The following C19orf18 variants were observed in gnomAD, a reference collection of about 807,000 sequenced individuals.
C19orf18 encodes uncharacterized protein C19orf18.
In C19orf18, 21 loss-of-function variants were observed where a neutral mutation model predicts 23.3. That is an observed-to-expected ratio of 0.90 (90% CI 0.64 to 1.30). The LOEUF is 1.30. Ranked by LOEUF, C19orf18 falls within the 50% of genes most tolerant of loss-of-function variation. The pLI is 0.00. For missense variants in C19orf18, 249 were observed against 259.6 expected, an observed-to-expected ratio of 0.96 and a Z score of 0.28; for synonymous variants, 96 against 95.2, an observed-to-expected ratio of 1.01 and a Z score of -0.05.
rs200892245 is a variant in C19orf18 at position 57,974,448 on chromosome 19, AGTATTTTATCCC to A, written c.-28_-17del. ...CCTTGTCCATCACTCTCAAATTATC[AGTATTTTATCCC>A]GTAGATGAAAGGAAATACTTAGCTA... On this transcript the variant is annotated 5_prime_UTR_variant, in exon 1 of 6. Transcript: ENST00000314391. 4.2e-3 allele frequency: 6,846 copies of A among 1,613,388 alleles called. 208 individuals are homozygous for A. In the African/African-American group the frequency reaches 0.067, roughly 16 times the overall value.
intron 4 of C19orf18, 100 bp from the exon 5 acceptor site, chr19:57,961,651 A>T (rs981272941): frequency 1.5e-6 from 2 of 1,324,198 alleles, no homozygotes; most frequent in Middle Eastern, 2.3e-4. Flanking sequence ...TCGCTTGTGG[A>T]GTGGGTGCAG....
intron 3 of C19orf18, among the ~76,000 whole-genome samples, chr19:57,971,644 T>C (rs924530909): frequency 6.6e-6 from 1 of 152,118 alleles, no homozygotes. Flanking sequence ...CTAATTTTTG[T>C]ATTTTTAGTA....
intron 2 of C19orf18, among the ~76,000 whole-genome samples, chr19:57,973,145 CAAAAAAAAAAAAAAAAAAAAAAAAAAAAA>C (rs61625681): frequency 8.3e-5 from 2 of 24,164 alleles, no homozygotes; most frequent in African/African-American, 2.8e-4. Flanking sequence ...GACTCCGTCT[CAAAAAAAAAAAAAAAAAAAAAAAAAAAAA>C]AAAAAAAAAA....
At chr19:57,961,361 C>A in intron 5 of C19orf18, 30 bp downstream of exon 5, 4 of 1,543,246 alleles carry the variant, frequency 2.6e-6, no homozygotes, top group Non-Finnish European at 3.5e-6. Flanking sequence ...GCTTGGCTTT[C>A]CTGCGAATAG....
chr19:57,968,831 C>T (rs2072925159), intron 3 of C19orf18, among the ~76,000 whole-genome samples: 1 of 152,090 alleles, frequency 6.6e-6, no homozygotes, highest in Non-Finnish European at 1.5e-5. Flanking sequence ...AATAACTCCC[C>T]TACAAGCACA....
intron 4 of C19orf18, among the ~76,000 whole-genome samples, chr19:57,962,258 A>C (rs2072878884): frequency 6.6e-6 from 1 of 151,994 alleles, no homozygotes; most frequent in South Asian, 2.1e-4. Context: ...GATGGTCTCA[A>C]ACTCCTAGGC....
intron 3 of C19orf18, among the ~76,000 whole-genome samples, chr19:57,971,215 C>A (rs2072942368): frequency 6.6e-6 from 1 of 152,146 alleles, no homozygotes; most frequent in Non-Finnish European, 1.5e-5. Flanking sequence ...ACTGCCCTCC[C>A]AGGTCCAGCC....
At chr19:57,961,618 G>A in intron 4 of C19orf18, 67 bp from the exon 5 acceptor site, 5 of 1,560,500 alleles carry the variant, frequency 3.2e-6, no homozygotes, top group Non-Finnish European at 4.4e-6. Flanking sequence ...TCTCAACCAT[G>A]CCACTTTTTG....
At chr19:57,967,380 T>C (rs1172095422) in intron 3 of C19orf18, among the ~76,000 whole-genome samples, 4 of 152,186 alleles carry the variant, frequency 2.6e-5, no homozygotes, top group African/African-American at 9.6e-5. Flanking sequence ...TGAATGGGAA[T>C]GAAAGAGTGA....
At chr19:57,961,573 T>C in intron 4 of C19orf18, 22 bp from the exon 5 acceptor site, 1 of 1,589,918 alleles carries the variant, frequency 6.3e-7, no homozygotes, top group Non-Finnish European at 8.5e-7. Context: ...TATAAATGAA[T>C]TTAGAAGCAC....
chr19:57,971,141 G>A (rs755887410), intron 3 of C19orf18, among the ~76,000 whole-genome samples: 5 of 152,100 alleles, frequency 3.3e-5, no homozygotes, highest in Admixed American at 6.6e-5. Flanking sequence ...TATTCATCAC[G>A]TTTTTTATTT....
intron 2 of C19orf18, among the ~76,000 whole-genome samples, chr19:57,973,484 G>A (rs1323365879): frequency 6.6e-6 from 1 of 152,072 alleles, no homozygotes; most frequent in African/African-American, 2.4e-5. Context: ...CCAGCACTTT[G>A]AGAGGCCGAG....
chr19:57,963,577 C>G lies in C19orf18; in HGVS notation c.372-2026G>C, dbSNP rs952386635. Among the ~76,000 whole-genome samples the G allele has an allele frequency of 1.8e-4, 27 of 152,078 alleles. No individual in the cohort carries two copies. The South Asian group carries it at 5.4e-3, about 30-fold the overall frequency. Reference sequence around the variant, plus strand: ...AATTGAAAACTGGTGTATGAAAAGTCACAACATTAAGTTTAAATATTTTAT... The same window carrying G: ...AATTGAAAACTGGTGTATGAAAAGTGACAACATTAAGTTTAAATATTTTAT... On this transcript the variant is annotated intron_variant, in intron 4 of 5. Transcript: ENST00000314391.
Position 57,965,583 on chromosome 19 carries a change from T to TA in C19orf18, c.371+946dup, listed in dbSNP as rs1416240885. The stretch of plus-strand genomic sequence containing the variant: ...CAACATGGAGAAACCCCATCACTAC[T>TA]AAAAATACAAAATTAGCCTGGCATG... On this transcript the variant is annotated intron_variant, in intron 4 of 5. Coordinates refer to ENST00000314391, the MANE Select transcript of C19orf18 (RefSeq NM_152474.5). 3.3e-5 allele frequency among the ~76,000 whole-genome samples: 5 copies of TA among 152,078 alleles called. No individual in the cohort carries two copies. In the East Asian group the frequency reaches 9.7e-4, roughly 30 times the overall value.
chr19:57,973,293 A>G (rs2072959734), intron 2 of C19orf18, among the ~76,000 whole-genome samples: 1 of 151,994 alleles, frequency 6.6e-6, no homozygotes, highest in Non-Finnish European at 1.5e-5. Context: ...CTTGCATGGA[A>G]TGGAGATTAT....
At chr19:57,962,552 A>C (rs56102036) in intron 4 of C19orf18, among the ~76,000 whole-genome samples, 1 of 151,850 alleles carries the variant, frequency 6.6e-6, no homozygotes, top group African/African-American at 2.4e-5. Flanking sequence ...TGTGAATTAT[A>C]TATTAAAAAA....
intron 4 of C19orf18, among the ~76,000 whole-genome samples, chr19:57,962,136 TCTTAC>T (rs765916569): frequency 6.6e-4 from 54 of 82,338 alleles, no homozygotes; most frequent in Admixed American, 2.7e-3. Context: ...GTTCAAACAG[TCTTAC>T]CTGCTCAGCC....
chr19:57,965,109 T>A (rs994753224), intron 4 of C19orf18, among the ~76,000 whole-genome samples: 6 of 116,576 alleles, frequency 5.1e-5, no homozygotes, highest in African/African-American at 2.1e-4. Flanking sequence ...AGTAGCAAGT[T>A]CTTTTTATTT....
chr19:57,970,713 C>T (rs978090629), intron 3 of C19orf18, among the ~76,000 whole-genome samples: 14 of 121,562 alleles, frequency 1.2e-4, no homozygotes, highest in Admixed American at 1.1e-3. Context: ...CTGGCCTCCA[C>T]CATGCCCAGC....
Sources: allele counts gnomAD v4.1 joint callset (sites outside exome capture counted in the v4.1 genomes callset), GRCh38; gene constraint gnomAD v4.1.1; transcripts MANE v1.5; gene names NCBI Gene and HGNC (gene_info 2026-07-23, HGNC 2026-07-21).